The following LGSN variants were observed in gnomAD, a reference collection of about 807,000 sequenced individuals.
The protein encoded by LGSN is lengsin.
LGSN carries 21 observed loss-of-function variants against 19.5 expected under a neutral mutation model. The observed-to-expected ratio is 1.07, with a 90% CI of 0.76 to 1.55. LGSN has a LOEUF of 1.55. Among genes scored for constraint, LGSN ranks in the 40% most tolerant of loss-of-function variants. The pLI is 0.00. For missense variants in LGSN, 673 were observed against 608.5 expected, an observed-to-expected ratio of 1.11 and a Z score of -1.12; for synonymous variants, 257 against 215.6, an observed-to-expected ratio of 1.19 and a Z score of -1.68.
At chr6:63,429,441 A>T in the LGSN span, among the ~76,000 whole-genome samples, 2 of 152,124 alleles carry the variant, frequency 1.3e-5, no homozygotes, top group Non-Finnish European at 2.9e-5. Context: ...TTTCTTAAAA[A>T]TCAAGAAATC....
chr6:63,471,324 A>G, the LGSN span, among the ~76,000 whole-genome samples: 259 of 151,832 alleles, frequency 1.7e-3, 3 homozygotes, highest in East Asian at 0.039. Context: ...TATTGGGAAG[A>G]GATCTCTACT....
chr6:63,415,732 C>T, the LGSN span, among the ~76,000 whole-genome samples: 2 of 152,184 alleles, frequency 1.3e-5, no homozygotes, highest in African/African-American at 4.8e-5. Flanking sequence ...ACTTCCACTG[C>T]CTAAAAGTCA....
the LGSN span, among the ~76,000 whole-genome samples, chr6:63,340,309 T>G: frequency 5.3e-4 from 81 of 152,290 alleles, no homozygotes; most frequent in African/African-American, 1.9e-3. Flanking sequence ...TCTATATCTC[T>G]CTGAAGATTT....
At chr6:63,498,890 G>A in the LGSN span, among the ~76,000 whole-genome samples, 7 of 152,158 alleles carry the variant, frequency 4.6e-5, no homozygotes, top group Non-Finnish European at 1.0e-4. Flanking sequence ...CCCGATGGTG[G>A]AAGTATACCA....
the LGSN span, among the ~76,000 whole-genome samples, chr6:63,375,495 A>G: frequency 3.0e-4 from 46 of 152,120 alleles, no homozygotes; most frequent in African/African-American, 1.0e-3. Flanking sequence ...TGGATCATAA[A>G]TGGAAACATT....
chr6:63,326,644 T>C, the LGSN span, among the ~76,000 whole-genome samples: 1 of 152,174 alleles, frequency 6.6e-6, no homozygotes, highest in African/African-American at 2.4e-5. Flanking sequence ...ACAGCGCTGG[T>C]GTGCTGGCAC....
chr6:63,425,236 T>G, the LGSN span, among the ~76,000 whole-genome samples: 1 of 152,204 alleles, frequency 6.6e-6, no homozygotes, highest in Non-Finnish European at 1.5e-5. Context: ...AACATGCAAC[T>G]ACTGTACAAC....
the LGSN span, among the ~76,000 whole-genome samples, chr6:63,470,313 A>T: frequency 1.3e-5 from 2 of 151,868 alleles, no homozygotes; most frequent in African/African-American, 2.4e-5. Context: ...ACTAAAAAAA[A>T]ATATACAAAA....
the LGSN span, among the ~76,000 whole-genome samples, chr6:63,485,157 G>A: frequency 1.3e-5 from 2 of 151,954 alleles, no homozygotes; most frequent in Non-Finnish European, 2.9e-5. Context: ...GTATCCATTA[G>A]TTATTTTTCC....
the LGSN span, chr6:63,572,786 C>G: frequency 1.0e-5 from 4 of 397,864 alleles, no homozygotes; most frequent in Admixed American, 4.4e-5. Context: ...TCCCCGCTGT[C>G]GCCTTTGTTC....
At chr6:63,420,297 C>T in the LGSN span, among the ~76,000 whole-genome samples, 1 of 152,184 alleles carries the variant, frequency 6.6e-6, no homozygotes, top group Non-Finnish European at 1.5e-5. Context: ...CTACAGTAGC[C>T]TTTTGTTTGG....
At chr6:63,378,933 G>A in the LGSN span, among the ~76,000 whole-genome samples, 1 of 152,154 alleles carries the variant, frequency 6.6e-6, no homozygotes, top group African/African-American at 2.4e-5. Context: ...GTATCAAAGA[G>A]CCAATAAAGA....
chr6:63,452,671 C>T, the LGSN span, among the ~76,000 whole-genome samples: 2 of 151,758 alleles, frequency 1.3e-5, no homozygotes, highest in South Asian at 4.2e-4. Context: ...CTCTCTCTCT[C>T]TCTCTGTCTC....
chr6:63,309,513 G>C (rs1216418091), intron 1 of LGSN, among the ~76,000 whole-genome samples: 2 of 152,022 alleles, frequency 1.3e-5, no homozygotes, highest in Non-Finnish European at 2.9e-5. Flanking sequence ...CTTCTTTTTT[G>C]AAGTGTCTTT....
chr6:63,348,314 A>T, the LGSN span, among the ~76,000 whole-genome samples: 17 of 152,042 alleles, frequency 1.1e-4, no homozygotes, highest in Non-Finnish European at 1.5e-4. Flanking sequence ...ATTAGCTGGG[A>T]GCTGTGGCGC....
At chr6:63,314,231 G>T (rs1404347489) in intron 1 of LGSN, among the ~76,000 whole-genome samples, 1 of 152,086 alleles carries the variant, frequency 6.6e-6, no homozygotes, top group African/African-American at 2.4e-5. Context: ...GATACAATTA[G>T]TGCCCTTATG....
chr6:63,508,392 G>A, the LGSN span, among the ~76,000 whole-genome samples: 81,009 of 151,398 alleles, frequency 0.54, 23,419 homozygotes, highest in African/African-American at 0.77. Flanking sequence ...CAGATACCTA[G>A]CCAAAAAATA....
At chr6:63,425,925 G>A in the LGSN span, among the ~76,000 whole-genome samples, 72,082 of 151,964 alleles carry the variant, frequency 0.47, 18,368 homozygotes, top group Non-Finnish European at 0.54. Context: ...TTATATTATA[G>A]TTTTGCAAGG....
At chr6:63,332,188 T>C in the LGSN span, among the ~76,000 whole-genome samples, 1 of 152,276 alleles carries the variant, frequency 6.6e-6, no homozygotes, top group South Asian at 2.1e-4. Flanking sequence ...GTCTTTCTGA[T>C]TGGTGAGCCT....
Sources: allele counts gnomAD v4.1 joint callset (sites outside exome capture counted in the v4.1 genomes callset), GRCh38; gene constraint gnomAD v4.1.1; transcripts MANE v1.5; gene names NCBI Gene and HGNC (gene_info 2026-07-23, HGNC 2026-07-21).